The following DAB1 variants were observed in gnomAD, a reference collection of about 807,000 sequenced individuals.
DAB1 encodes disabled homolog 1.
Under a neutral mutation model 64.6 loss-of-function variants are expected in DAB1, and 15 were observed. The observed-to-expected ratio is 0.23, with a 90% CI of 0.16 to 0.36. The LOEUF is 0.36. Among genes scored for constraint, DAB1 ranks in the 10% least tolerant of loss-of-function variants. DAB1 has a pLI of 1.00. For missense variants in DAB1, 596 were observed against 706.7 expected (o/e 0.84, Z 1.78); for synonymous variants, 235 against 251.9 (o/e 0.93, Z 0.64).
At chr1:57,783,338 T>C (rs1650197437) in intron 6 of DAB1, among the ~76,000 whole-genome samples, 1 of 152,034 alleles carries the variant, frequency 6.6e-6, no homozygotes. Flanking sequence ...TGAACTCACA[T>C]GATCTCGCCC....
chr1:57,014,382 T>G (rs376035309), intron 12 of DAB1, among the ~76,000 whole-genome samples: 9 of 152,358 alleles, frequency 5.9e-5, no homozygotes, highest in African/African-American at 2.2e-4. Context: ...TTGATCCTTA[T>G]TTTATATTCT....
intron 7 of DAB1, among the ~76,000 whole-genome samples, chr1:57,556,101 G>T (rs549567548): frequency 2.3e-4 from 35 of 152,254 alleles, no homozygotes; most frequent in Non-Finnish European, 4.4e-4. Context: ...GGAGCAAGAT[G>T]ATTATTTCAT....
intron 5 of DAB1, among the ~76,000 whole-genome samples, chr1:58,057,497 C>G (rs909782118): frequency 6.6e-6 from 1 of 152,128 alleles, no homozygotes; most frequent in East Asian, 1.9e-4. Flanking sequence ...TAACTGTTGT[C>G]TTTATAAGAA....
intron 6 of DAB1, among the ~76,000 whole-genome samples, chr1:57,750,192 G>C (rs1185606502): frequency 6.6e-6 from 1 of 152,140 alleles, no homozygotes; most frequent in Non-Finnish European, 1.5e-5. Flanking sequence ...CACATATTTA[G>C]TATTGATCAC....
intron 4 of DAB1, among the ~76,000 whole-genome samples, chr1:58,229,401 A>G (rs1262033390): frequency 6.6e-6 from 1 of 152,088 alleles, no homozygotes; most frequent in African/African-American, 2.4e-5. Flanking sequence ...AGATGCATTC[A>G]CTCCATTAGC....
chr1:58,374,810 G>A (rs912453221), intron 3 of DAB1, among the ~76,000 whole-genome samples: 1 of 138,182 alleles, frequency 7.2e-6, no homozygotes, highest in Non-Finnish European at 1.6e-5. Flanking sequence ...TCCTACCCAT[G>A]AGCATGGAAT....
At chr1:57,861,161 C>A (rs1654005638) in intron 1 of DAB1, 4 of 152,242 alleles carry the variant, frequency 2.6e-5, no homozygotes, top group African/African-American at 9.6e-5. Flanking sequence ...TATGAGTAAG[C>A]AGGGGCTCAC....
At chr1:57,722,807 A>G (rs759133396) in intron 6 of DAB1, among the ~76,000 whole-genome samples, 1 of 152,186 alleles carries the variant, frequency 6.6e-6, no homozygotes. Context: ...AAGCAAAATG[A>G]TGGGTTTGAG....
At chr1:57,030,145 T>G (rs886879549) in intron 9 of DAB1, among the ~76,000 whole-genome samples, 12 of 152,204 alleles carry the variant, frequency 7.9e-5, no homozygotes, top group African/African-American at 2.9e-4. Context: ...ATTCTCATGA[T>G]AGTGAATAAG....
intron 4 of DAB1, among the ~76,000 whole-genome samples, chr1:57,116,476 A>AAAAG (rs1553144221): frequency 2.1e-5 from 3 of 146,258 alleles, no homozygotes; most frequent in African/African-American, 5.1e-5. Context: ...AAAAAAAAAA[A>AAAAG]AAAAAAAGAA....
intron 4 of DAB1, among the ~76,000 whole-genome samples, chr1:58,172,820 G>C (rs1263989237): frequency 6.6e-6 from 1 of 152,236 alleles, no homozygotes; most frequent in African/African-American, 2.4e-5. Context: ...CCGAGCCTTA[G>C]AACTGGGAAA....
intron 2 of DAB1, among the ~76,000 whole-genome samples, chr1:58,520,887 C>G (rs1423788973): frequency 6.6e-6 from 1 of 151,856 alleles, no homozygotes; most frequent in Non-Finnish European, 1.5e-5. Flanking sequence ...CTCTTGATAA[C>G]TACAAAAAAA....
intron 7 of DAB1, among the ~76,000 whole-genome samples, chr1:57,452,673 T>C (rs973229167): frequency 1.1e-4 from 17 of 152,084 alleles, no homozygotes; most frequent in Non-Finnish European, 2.4e-4. Context: ...CTTATTATCC[T>C]ATGTGCCAGG....
intron 13 of DAB1, 135 bp from the exon 14 acceptor site, chr1:57,010,925 A>G (rs1646247561): frequency 1.2e-6 from 1 of 856,502 alleles, no homozygotes. Flanking sequence ...AGGATGCTAC[A>G]CCACAAATGT....
At chr1:58,056,546 T>C (rs1557630133) in intron 5 of DAB1, 1 of 875,918 alleles carries the variant, frequency 1.1e-6, no homozygotes, top group East Asian at 2.4e-5. Flanking sequence ...ACCTTGCTCA[T>C]CACAACCTAA....
chr1:58,376,063 T>A (rs1442571415), intron 3 of DAB1, among the ~76,000 whole-genome samples: 1 of 152,088 alleles, frequency 6.6e-6, no homozygotes, highest in African/African-American at 2.4e-5. Context: ...TCTATTTGAT[T>A]CTTCTCTCTT....
At chr1:57,403,213 T>C (rs577850944) in intron 1 of DAB1, among the ~76,000 whole-genome samples, 10 of 152,282 alleles carry the variant, frequency 6.6e-5, no homozygotes, top group Non-Finnish European at 1.2e-4. Flanking sequence ...ATAGGTCCAC[T>C]GAAAGCCAGC....
rs190638554 is a variant in DAB1 at position 58,252,719 on chromosome 1, C to T, written n.309+90633G>A. Among the ~76,000 whole-genome samples, 4 of 152,254 alleles carry T rather than the reference C, an allele frequency of 2.6e-5. No homozygotes were observed. The East Asian group carries it at 5.8e-4, about 22-fold the overall frequency. On this transcript the variant is annotated intron_variant and non_coding_transcript_variant, in intron 4 of 20. Coordinates refer to the DAB1 transcript ENST00000485760. ...ACAGATGAGAAAGCTAAACCCCAGA[C>T]AGGTGAAGTAGCAGAGCTGGAACTT...
intron 5 of DAB1, among the ~76,000 whole-genome samples, chr1:57,971,066 A>G (rs1212431028): frequency 6.6e-6 from 1 of 152,162 alleles, no homozygotes; most frequent in Non-Finnish European, 1.5e-5. Context: ...TGGGTGTTAC[A>G]TCATCAGCCC....
Sources: gnomAD v4.1 joint callset for allele counts (sites outside exome capture counted in the v4.1 genomes callset) on GRCh38, gnomAD v4.1.1 for gene constraint, MANE v1.5 for transcripts, NCBI Gene and HGNC (gene_info 2026-07-23, HGNC 2026-07-21) for gene names.